The following DPP10 variants were observed in gnomAD, a reference collection of about 807,000 sequenced individuals.
The protein encoded by DPP10 is dipeptidyl peptidase like 10.
A neutral mutation model predicts 120.9 loss-of-function variants in DPP10; 33 were observed. That is an observed-to-expected ratio of 0.27 (90% CI 0.21 to 0.37). DPP10 has a LOEUF of 0.37. Among genes scored for constraint, DPP10 ranks in the 10% least tolerant of loss-of-function variants. The pLI is 1.00. For missense variants in DPP10, 816 were observed against 942.8 expected, an observed-to-expected ratio of 0.87 and a Z score of 1.76; for synonymous variants, 337 against 326.1, an observed-to-expected ratio of 1.03 and a Z score of -0.36.
chr2:115,567,097 C>T (rs1010560296), intron 5 of DPP10, among the ~76,000 whole-genome samples: 7 of 151,892 alleles, frequency 4.6e-5, no homozygotes, highest in South Asian at 2.1e-4. Context: ...TGTCAAAGTA[C>T]AGATTTCAAG....
chr2:115,412,832 C>T (rs530144633), intron 3 of DPP10, among the ~76,000 whole-genome samples: 1 of 152,192 alleles, frequency 6.6e-6, no homozygotes, highest in South Asian at 2.1e-4. Flanking sequence ...TTTGGCTGCT[C>T]ACTGAGTGTA....
At chr2:114,790,641 G>C (rs1201173912) in intron 1 of DPP10, among the ~76,000 whole-genome samples, 1 of 152,042 alleles carries the variant, frequency 6.6e-6, no homozygotes, top group Non-Finnish European at 1.5e-5. Flanking sequence ...TACAGTCAAA[G>C]GGGGTTTGTT....
At chr2:115,434,697 C>A (rs1374347359) in intron 3 of DPP10, among the ~76,000 whole-genome samples, 1 of 151,590 alleles carries the variant, frequency 6.6e-6, no homozygotes, top group African/African-American at 2.4e-5. Context: ...CGTTTCAGTT[C>A]TTCTCTTCTT....
At position 115,536,224 on chromosome 2, in the gene DPP10, G is replaced by A. The variant is rs189624980; in HGVS notation, c.441+10252G>A. 1.0e-3 allele frequency among the ~76,000 whole-genome samples: 155 copies of A among 151,982 alleles called. 1 individual carries two copies. The highest frequency in any genetic ancestry group is 3.4e-3 in the African/African-American group (143 of 41,498). ...ATCTAATTCTTATTTATTGTTATTA[G>A]TATGTAATATTTTTTCCACTTATAG... On this transcript the variant is annotated intron_variant, in intron 5 of 25. Coordinates refer to ENST00000410059, the MANE Select transcript of DPP10 (RefSeq NM_020868.6).
chr2:114,529,754 A>T (rs1200123081), intron 1 of DPP10, among the ~76,000 whole-genome samples: 1 of 152,064 alleles, frequency 6.6e-6, no homozygotes, highest in African/African-American at 2.4e-5. Context: ...AATGTGTGTC[A>T]GGGGGGTTTG....
chr2:114,912,804 T>C (rs753112097), intron 1 of DPP10, among the ~76,000 whole-genome samples: 16 of 152,160 alleles, frequency 1.1e-4, no homozygotes, highest in Non-Finnish European at 1.9e-4. Context: ...ACTACATGAT[T>C]CTCATGGATA....
chr2:114,805,281 A>G (rs969321978), intron 1 of DPP10, among the ~76,000 whole-genome samples: 9 of 152,172 alleles, frequency 5.9e-5, no homozygotes, highest in African/African-American at 2.2e-4. Context: ...ATGTACATTT[A>G]GTAGTTGCCC....
intron 1 of DPP10, among the ~76,000 whole-genome samples, chr2:115,171,769 C>T (rs1420790444): frequency 6.6e-6 from 1 of 151,752 alleles, no homozygotes; most frequent in Non-Finnish European, 1.5e-5. Context: ...TGTCCATAGG[C>T]AAGGCTCATT....
chr2:114,804,955 G>T (rs571967821), intron 1 of DPP10, among the ~76,000 whole-genome samples: 1 of 152,134 alleles, frequency 6.6e-6, no homozygotes, highest in African/African-American at 2.4e-5. Context: ...AATTTGAATT[G>T]TATCTCCCAG....
At chr2:114,951,255 C>A (rs1353885099) in intron 1 of DPP10, among the ~76,000 whole-genome samples, 1 of 152,234 alleles carries the variant, frequency 6.6e-6, no homozygotes, top group East Asian at 1.9e-4. Context: ...GAAAGCTCAA[C>A]CTTCAGTCAT....
At chr2:114,584,573 G>A (rs1206382378) in intron 1 of DPP10, among the ~76,000 whole-genome samples, 1 of 117,544 alleles carries the variant, frequency 8.5e-6, no homozygotes, top group Non-Finnish European at 1.6e-5. Flanking sequence ...AGGCCCCAGA[G>A]TGTGATGTTC....
chr2:114,471,086 T>C (rs1679868362), intron 1 of DPP10, among the ~76,000 whole-genome samples: 1 of 152,256 alleles, frequency 6.6e-6, no homozygotes, highest in African/African-American at 2.4e-5. Context: ...CTAAAATCTA[T>C]ATTTAAAGTT....
At chr2:114,747,860 C>T (rs1171013718) in intron 1 of DPP10, among the ~76,000 whole-genome samples, 1 of 152,100 alleles carries the variant, frequency 6.6e-6, no homozygotes, top group Non-Finnish European at 1.5e-5. Context: ...AACACTAGAT[C>T]ATCTCATTTA....
At position 114,493,220 on chromosome 2, in the gene DPP10, C is replaced by A. The variant is rs927457196; in HGVS notation, c.60+50382C>A. Among the ~76,000 whole-genome samples the A allele has an allele frequency of 2.0e-5, 3 of 152,240 alleles. No homozygotes were observed. In the East Asian group the frequency reaches 5.8e-4, roughly 29 times the overall value. The stretch of plus-strand genomic sequence containing the variant: ...GGCACAAATTGCCCAGTTTCAATCC[C>A]GGCTCCACTATTCCTATAAGGTAAG... On this transcript the variant is annotated intron_variant, in intron 1 of 25. Transcript: ENST00000410059.
At chr2:115,101,258 C>T (rs2048680525) in intron 1 of DPP10, among the ~76,000 whole-genome samples, 1 of 152,154 alleles carries the variant, frequency 6.6e-6, no homozygotes, top group Non-Finnish European at 1.5e-5. Flanking sequence ...GCACCTACCC[C>T]ACCTTATGGC....
chr2:115,675,758 A>T (rs1003503404), intron 5 of DPP10, among the ~76,000 whole-genome samples: 2 of 152,148 alleles, frequency 1.3e-5, no homozygotes. Context: ...GAGAAAAAAA[A>T]TTAATGCTAG....
intron 1 of DPP10, among the ~76,000 whole-genome samples, chr2:114,767,207 C>CAAAAAAAAAAAAAAAAAAAA (rs5833559): frequency 6.0e-5 from 2 of 33,062 alleles, no homozygotes; most frequent in African/African-American, 2.5e-4. Flanking sequence ...AGGATAAAAG[C>CAAAAAAAAAAAAAAAAAAAA]AAAAAAAAAA....
chr2:114,642,270 C>A (rs1407593235), intron 1 of DPP10, among the ~76,000 whole-genome samples: 1 of 151,802 alleles, frequency 6.6e-6, no homozygotes, highest in African/African-American at 2.4e-5. Context: ...GAAAAGAAGC[C>A]TATGTAGGTC....
chr2:115,407,374 G>T (rs985452367), intron 3 of DPP10, among the ~76,000 whole-genome samples: 1 of 152,130 alleles, frequency 6.6e-6, no homozygotes, highest in Non-Finnish European at 1.5e-5. Flanking sequence ...TTAGAATAAG[G>T]ATAAGGATAA....
Sources: gnomAD v4.1 joint callset for allele counts (sites outside exome capture counted in the v4.1 genomes callset) on GRCh38, gnomAD v4.1.1 for gene constraint, MANE v1.5 for transcripts, NCBI Gene and HGNC (gene_info 2026-07-23, HGNC 2026-07-21) for gene names.